The following PARP8 variants were observed in gnomAD, a reference collection of about 807,000 sequenced individuals.
The protein encoded by PARP8 is poly(ADP-ribose) polymerase family member 8, also known as protein mono-ADP-ribosyltransferase PARP8.
In PARP8, 51 loss-of-function variants were observed where a neutral mutation model predicts 124.1. The ratio of observed to expected loss-of-function variants is 0.41; its 90% CI spans 0.33 to 0.52. PARP8 has a LOEUF of 0.52. PARP8 is among the 20% of genes least tolerant of loss of function. The pLI is 0.21. For synonymous variants in PARP8, 391 were observed against 361.5 expected, an observed-to-expected ratio of 1.08 and a Z score of -0.93; for missense variants, 860 against 1,018.9, an observed-to-expected ratio of 0.84 and a Z score of 2.12.
intron 2 of PARP8, among the ~76,000 whole-genome samples, chr5:50,701,361 G>A (rs906780881): frequency 2.6e-5 from 4 of 152,064 alleles, no homozygotes; most frequent in Admixed American, 6.5e-5. Flanking sequence ...TGTGGGATAC[G>A]GATCATGGTA....
rs1352218749 is a variant in PARP8, at chr5:50,747,147, TTTG to T, written c.147-3001_147-2999del. ...ATCTACTTATTCAGTTATGGTTTTTTTTGTTTGTTTGTTTTGTTTTTTTTTTTT... is the reference window on the plus strand; with the variant it reads ...ATCTACTTATTCAGTTATGGTTTTTTTTTGTTTGTTTTGTTTTTTTTTTTT... On this transcript the variant is annotated intron_variant, in intron 2 of 25. Coordinates refer to ENST00000281631, the MANE Select transcript of PARP8 (RefSeq NM_024615.4). Among the ~76,000 whole-genome samples the T allele has an allele frequency of 3.0e-3, 297 of 97,816 alleles. 5 individuals carry two copies. Among genetic ancestry groups the T allele is most frequent in the African/African-American group, 0.012 (279 of 23,054 alleles). 64.2% of individuals were successfully genotyped at this position (97,816 alleles called of 152,430 possible).
rs551362853 is a variant in PARP8 at position 50,692,279 on chromosome 5, C to G, written c.146+24154C>G. On this transcript the variant is annotated intron_variant, in intron 2 of 25. Coordinates refer to ENST00000281631, the MANE Select transcript of PARP8 (RefSeq NM_024615.4). ...CTTTCCAGCCTTAACTCACTAATCTCTATCATATTATTTATAATTTTTAAT... is the reference window on the plus strand; with the variant it reads ...CTTTCCAGCCTTAACTCACTAATCTGTATCATATTATTTATAATTTTTAAT... Among the ~76,000 whole-genome samples, 172 of 152,090 alleles carry G rather than the reference C, an allele frequency of 1.1e-3. 1 individual carries two copies. Among genetic ancestry groups the G allele is most frequent in the African/African-American group, 4.0e-3 (167 of 41,508 alleles).
At chr5:50,791,104 T>G (rs1283064416) in intron 10 of PARP8, among the ~76,000 whole-genome samples, 4 of 152,194 alleles carry the variant, frequency 2.6e-5, no homozygotes, top group African/African-American at 9.7e-5. Flanking sequence ...CCCCTTGTTA[T>G]CAGTTGGTTT....
intron 9 of PARP8, among the ~76,000 whole-genome samples, chr5:50,788,150 C>A (rs1397630217): frequency 1.4e-5 from 2 of 145,734 alleles, no homozygotes; most frequent in African/African-American, 5.1e-5. Flanking sequence ...GGAGATCATT[C>A]TTTCTTACAT....
intron 2 of PARP8, among the ~76,000 whole-genome samples, chr5:50,701,863 C>T (rs1450593574): frequency 6.6e-6 from 1 of 152,004 alleles, no homozygotes; most frequent in Non-Finnish European, 1.5e-5. Context: ...TTATTTAGAA[C>T]CTAAGATCCT....
chr5:50,707,462 T>C (rs577243664), intron 2 of PARP8, among the ~76,000 whole-genome samples: 1 of 152,108 alleles, frequency 6.6e-6, no homozygotes, highest in Non-Finnish European at 1.5e-5. Context: ...CATAATCTTT[T>C]TCTCAAAAAC....
chr5:50,760,371 A>G lies in PARP8; in HGVS notation c.345+9A>G. Reference sequence around the variant, plus strand: ...AAAAGGAAAATGGGGAGGTATGTAAATTATATTTTTTATTTTCTTGAAACA... The same window carrying G: ...AAAAGGAAAATGGGGAGGTATGTAAGTTATATTTTTTATTTTCTTGAAACA... On this transcript the variant is annotated intron_variant, in intron 5 of 25. Coordinates refer to ENST00000281631, the MANE Select transcript of PARP8 (RefSeq NM_024615.4). 1 of 1,502,552 alleles carries G rather than the reference A, an allele frequency of 6.7e-7. No homozygotes were observed. The highest frequency in any genetic ancestry group is 9.1e-7 in the Non-Finnish European group (1 of 1,103,446). 93.1% of individuals were successfully genotyped at this position (1,502,552 alleles called of 1,614,324 possible).
At chr5:50,803,842 A>C (rs1743509268) in intron 14 of PARP8, among the ~76,000 whole-genome samples, 1 of 152,000 alleles carries the variant, frequency 6.6e-6, no homozygotes, top group African/African-American at 2.4e-5. Context: ...AATAGGTCTT[A>C]CTTTCTTATT....
chr5:50,798,225 G>A (rs1003867872), intron 14 of PARP8, among the ~76,000 whole-genome samples: 1 of 152,078 alleles, frequency 6.6e-6, no homozygotes, highest in African/African-American at 2.4e-5. Context: ...GGAATTGCTA[G>A]AACATATGTT....
chr5:50,774,344 C>G (rs79835169), intron 7 of PARP8, among the ~76,000 whole-genome samples: 1 of 152,196 alleles, frequency 6.6e-6, no homozygotes, highest in African/African-American at 2.4e-5. Context: ...TCTCGATGGT[C>G]ACTGTCTCTT....
intron 2 of PARP8, among the ~76,000 whole-genome samples, chr5:50,671,628 A>G (rs1750028951): frequency 6.6e-6 from 1 of 152,162 alleles, no homozygotes. Flanking sequence ...TTATGTGTCT[A>G]TATACATATA....
chr5:50,814,721 G>T (rs1247467102), intron 14 of PARP8, among the ~76,000 whole-genome samples: 1 of 152,132 alleles, frequency 6.6e-6, no homozygotes, highest in Non-Finnish European at 1.5e-5. Flanking sequence ...CCTTTTGTCT[G>T]CTGTGCAGAG....
In PARP8 at chr5:50,761,298, C is replaced by T. The variant is rs867042004; in HGVS notation, c.346-523C>T. ...GTTGAAGCATATTAAATTAAATACC[C>T]TTTTGAAATCTGAATTCTGAAACAA... On this transcript the variant is annotated intron_variant, in intron 5 of 25. Transcript: ENST00000281631. 2.6e-5 allele frequency among the ~76,000 whole-genome samples: 4 copies of T among 152,030 alleles called. 1 individual carries two copies. In the South Asian group the frequency reaches 8.3e-4, roughly 31 times the overall value.
In PARP8 at chr5:50,739,732, A is replaced by AT. The variant is rs1230937798; in HGVS notation, c.147-10398dup. 1.2e-3 allele frequency among the ~76,000 whole-genome samples: 54 copies of AT among 44,166 alleles called. 1 individual carries two copies. Among genetic ancestry groups the AT allele is most frequent in the South Asian group, 3.9e-3 (3 of 762 alleles). The allele number at this position is 44,166 out of a possible 152,430, so 29.0% of individuals were successfully genotyped here. On this transcript the variant is annotated intron_variant, in intron 2 of 25. Coordinates refer to ENST00000281631, the MANE Select transcript of PARP8 (RefSeq NM_024615.4). ...TACATATATATATATATATATATAT[A>AT]TTTTTTTTTTTTTTTTTTTTTGAGA...
At chr5:50,697,242 G>A (rs1057249754) in intron 2 of PARP8, among the ~76,000 whole-genome samples, 6 of 152,094 alleles carry the variant, frequency 3.9e-5, no homozygotes, top group African/African-American at 1.4e-4. Flanking sequence ...GCGACAGAGC[G>A]AGACTCCGTC....
At chr5:50,699,063 G>A (rs1186802373) in intron 2 of PARP8, among the ~76,000 whole-genome samples, 3 of 152,140 alleles carry the variant, frequency 2.0e-5, no homozygotes, top group Non-Finnish European at 2.9e-5. Flanking sequence ...TGGTGTCATT[G>A]GGTTTTGATT....
Position 50,787,685 on chromosome 5 carries a change from T to G in PARP8, c.671-838T>G, listed in dbSNP as rs186674439. 3.3e-4 allele frequency among the ~76,000 whole-genome samples: 50 copies of G among 152,168 alleles called. 1 individual carries two copies. The East Asian group carries it at 7.1e-3, about 22-fold the overall frequency. On this transcript the variant is annotated intron_variant, in intron 9 of 25. Transcript: ENST00000281631. ...TGACTGGAGCGATGAGTGCAAGAGA[T>G]ACTCTTTAAACCAGTGAATAATGAA...
chr5:50,730,033 A>G (rs1042449112), intron 2 of PARP8, among the ~76,000 whole-genome samples: 3 of 152,218 alleles, frequency 2.0e-5, no homozygotes, highest in African/African-American at 7.2e-5. Flanking sequence ...ACAGAAATAC[A>G]TTAAGATATT....
intron 7 of PARP8, 133 bp downstream of exon 7, chr5:50,763,375 T>C: frequency 1.6e-6 from 1 of 625,500 alleles, no homozygotes; most frequent in Non-Finnish European, 2.8e-6. Flanking sequence ...GTCTACTGTT[T>C]ATCCTTACAC....
Sources: allele counts gnomAD v4.1 joint callset (sites outside exome capture counted in the v4.1 genomes callset), GRCh38; gene constraint gnomAD v4.1.1; transcripts MANE v1.5; gene names NCBI Gene and HGNC (gene_info 2026-07-23, HGNC 2026-07-21).